The following EML5 variants were observed in gnomAD, a reference collection of about 807,000 sequenced individuals.
EML5 encodes echinoderm microtubule-associated protein-like 5.
EML5 carries 120 observed loss-of-function variants against 250.0 expected under a neutral mutation model. The observed-to-expected ratio is 0.48, with a 90% CI of 0.41 to 0.56. EML5 has a LOEUF of 0.56. EML5 is among the 20% of genes least tolerant of loss of function. The pLI is 0.00. For synonymous variants in EML5, 771 were observed against 806.5 expected, an observed-to-expected ratio of 0.96 and a Z score of 0.75; for missense variants, 2,006 against 2,437.6, an observed-to-expected ratio of 0.82 and a Z score of 3.73.
intron 13 of EML5, 90 bp downstream of exon 13, chr14:88,704,770 G>T: frequency 1.1e-6 from 1 of 876,328 alleles, no homozygotes; most frequent in South Asian, 1.8e-5. Context: ...GTCATTTCAG[G>T]GGATACAGTC....
rs1018692358 is a variant in EML5, at chr14:88,769,160, C to T, written c.198-14489G>A. ...ATTGATATAGTTGGATCTGTGTCCC[C>T]AACCAAATCTCATGTTGAAATGTAA... On this transcript the variant is annotated intron_variant, in intron 1 of 43. Coordinates refer to ENST00000554922, the MANE Select transcript of EML5 (RefSeq NM_183387.3). Among the ~76,000 whole-genome samples, 9 of 152,162 alleles carry T rather than the reference C, an allele frequency of 5.9e-5. No homozygotes were observed. The East Asian group carries it at 1.7e-3, about 29-fold the overall frequency.
chr14:88,692,220 T>C (rs1483218740), intron 17 of EML5, among the ~76,000 whole-genome samples: 1 of 151,854 alleles, frequency 6.6e-6, no homozygotes, highest in Non-Finnish European at 1.5e-5. Flanking sequence ...TGCTAAAAAA[T>C]ACAAAAATCA....
intron 20 of EML5, among the ~76,000 whole-genome samples, chr14:88,684,179 T>C (rs1358866378): frequency 6.7e-6 from 1 of 149,316 alleles, no homozygotes; most frequent in Non-Finnish European, 1.5e-5. Context: ...CAATATGCAA[T>C]CAAAATTAAG....
chr14:88,789,408 C>T (rs2094584341), intron 1 of EML5, among the ~76,000 whole-genome samples: 1 of 152,020 alleles, frequency 6.6e-6, no homozygotes, highest in Non-Finnish European at 1.5e-5. Context: ...GAAGTATACA[C>T]AAGTAGATGG....
chr14:88,710,225 T>A (rs560557802), intron 10 of EML5, among the ~76,000 whole-genome samples: 1 of 152,290 alleles, frequency 6.6e-6, no homozygotes, highest in South Asian at 2.1e-4. Context: ...AGGGGTGGAA[T>A]GCTTTGGGCT....
At chr14:88,662,927 T>G in intron 24 of EML5, 104 bp downstream of exon 24, 1 of 772,748 alleles carries the variant, frequency 1.3e-6, no homozygotes, top group South Asian at 2.1e-5. Context: ...TTTTAATAAT[T>G]TGAGAACAGA....
chr14:88,718,532 A>C (rs1237213984), intron 8 of EML5, among the ~76,000 whole-genome samples: 1 of 152,222 alleles, frequency 6.6e-6, no homozygotes, highest in African/African-American at 2.4e-5. Flanking sequence ...CAAGTGGTTA[A>C]GAGAATCAAA....
rs371312945 is a variant in EML5 at position 88,657,598 on chromosome 14, A to C, written c.3878-96T>G. 4.4e-4 allele frequency: 552 copies of C among 1,251,784 alleles called. 8 individuals are homozygous for C. The South Asian group carries it at 0.01, about 24-fold the overall frequency. 77.5% of individuals were successfully genotyped at this position (1,251,784 alleles called of 1,614,324 possible). On this transcript the variant is annotated intron_variant, in intron 26 of 43. Coordinates refer to ENST00000554922, the MANE Select transcript of EML5 (RefSeq NM_183387.3). Reference sequence around the variant, plus strand: ...CAAAGATGTTCAACAATATGAAATAAATTAAGTTGTTATAAGCAAATTATG... The same window carrying C: ...CAAAGATGTTCAACAATATGAAATACATTAAGTTGTTATAAGCAAATTATG...
chr14:88,735,153 T>G (rs928670406), intron 7 of EML5, among the ~76,000 whole-genome samples: 2 of 152,092 alleles, frequency 1.3e-5, no homozygotes, highest in African/African-American at 4.8e-5. Flanking sequence ...AACTTTTGAG[T>G]ATATCGTAGT....
chr14:88,721,632 A>G (rs1170141780), intron 8 of EML5, among the ~76,000 whole-genome samples: 1 of 152,198 alleles, frequency 6.6e-6, no homozygotes, highest in Non-Finnish European at 1.5e-5. Context: ...GGGATTAAAG[A>G]CTTAAATGTA....
At chr14:88,761,740 T>C (rs920673568) in intron 1 of EML5, among the ~76,000 whole-genome samples, 2 of 152,234 alleles carry the variant, frequency 1.3e-5, no homozygotes, top group African/African-American at 2.4e-5. Context: ...TCAAACGGTA[T>C]TTCTGGTCCT....
intron 17 of EML5, among the ~76,000 whole-genome samples, chr14:88,691,054 T>A (rs1595536758): frequency 6.6e-6 from 1 of 152,304 alleles, no homozygotes; most frequent in Middle Eastern, 3.4e-3. Context: ...TCTGGGCTGG[T>A]CCCCACCTAC....
At chr14:88,726,011 T>C (rs915188424) in intron 8 of EML5, among the ~76,000 whole-genome samples, 1 of 152,210 alleles carries the variant, frequency 6.6e-6, no homozygotes, top group Admixed American at 6.5e-5. Flanking sequence ...AGCAAATTTC[T>C]TACTGACTGC....
At chr14:88,701,328 C>T (rs2093204840) in intron 14 of EML5, among the ~76,000 whole-genome samples, 2 of 152,126 alleles carry the variant, frequency 1.3e-5, no homozygotes, top group African/African-American at 4.8e-5. Flanking sequence ...TGCCCCGAAA[C>T]ATCAATAGTG....
At chr14:88,645,045 T>A (rs184751142) in intron 29 of EML5, among the ~76,000 whole-genome samples, 1,963 of 127,076 alleles carry the variant, frequency 0.015, 46 homozygotes, top group African/African-American at 0.045. Context: ...CTTTCTTTTT[T>A]AGACCAAGTT....
intron 29 of EML5, 98 bp from the exon 30 acceptor site, chr14:88,644,609 C>A (rs1357074079): frequency 9.1e-6 from 10 of 1,092,998 alleles, no homozygotes; most frequent in African/African-American, 1.6e-5. Context: ...CTTGTCACAC[C>A]TTCCCAAAGA....
intron 29 of EML5, among the ~76,000 whole-genome samples, chr14:88,645,269 G>A (rs1182562977): frequency 6.6e-6 from 1 of 152,120 alleles, no homozygotes; most frequent in Non-Finnish European, 1.5e-5. Context: ...CAAGTGATCC[G>A]CCTACCTCGG....
intron 27 of EML5, among the ~76,000 whole-genome samples, chr14:88,650,702 G>A (rs948413198): frequency 4.6e-5 from 7 of 152,016 alleles, no homozygotes; most frequent in Admixed American, 6.5e-5. Flanking sequence ...GCAAGGGTGC[G>A]ATCATAGCTC....
chr14:88,747,759 C>T (rs1044616134), intron 2 of EML5, among the ~76,000 whole-genome samples: 3 of 151,860 alleles, frequency 2.0e-5, no homozygotes, highest in Non-Finnish European at 4.4e-5. Context: ...ACAAGATTAG[C>T]AGGAGATGAA....
Sources: gnomAD v4.1 joint callset for allele counts (sites outside exome capture counted in the v4.1 genomes callset) on GRCh38, gnomAD v4.1.1 for gene constraint, MANE v1.5 for transcripts, NCBI Gene and HGNC (gene_info 2026-07-23, HGNC 2026-07-21) for gene names.